The following ATRN variants were observed in gnomAD, a reference collection of about 807,000 sequenced individuals.
ATRN encodes attractin-2.
ATRN carries 54 observed loss-of-function variants against 178.7 expected under a neutral mutation model. The observed-to-expected ratio is 0.30, with a 90% CI of 0.24 to 0.38. The LOEUF is 0.38. Ranked by LOEUF, ATRN falls within the 10% of genes least tolerant of loss-of-function variation. The pLI, the probability that ATRN is intolerant of heterozygous loss-of-function variation, is 1.00. For missense variants in ATRN, 1,443 were observed against 1,815.1 expected, an observed-to-expected ratio of 0.79 and a Z score of 3.73; for synonymous variants, 636 against 663.0, an observed-to-expected ratio of 0.96 and a Z score of 0.63.
At chr20:3,554,411 C>T (rs2085836336) in intron 6 of ATRN, among the ~76,000 whole-genome samples, 1 of 151,840 alleles carries the variant, frequency 6.6e-6, no homozygotes, top group Non-Finnish European at 1.5e-5. Flanking sequence ...TCTCGGCTCA[C>T]TGCAGGCTCC....
In ATRN at chr20:3,646,780, A is replaced by C. The variant is rs1350364297; in HGVS notation, c.4223A>C (p.Lys1408Thr). The change falls in exon 29 of 29, where the codon AAG (lysine) becomes ACG (threonine). Residue 1408 changes from lysine (K) to threonine (T), a missense_variant. Around this residue, in one of 4 missense-constraint regions of ATRN, gnomAD observed 289 missense variants for 440.8 expected, o/e 0.66. Transcript: ENST00000262919. ...DISQQMPIVY[K>T]EKSGAVRNRK... ...TCTCAGCAGATGCCGATAGTGTACA[A>C]GGAGAAGTCAGGAGCCGTGAGAAAC... is the stretch of plus-strand genomic sequence containing the variant. 6.2e-7 allele frequency: 1 copy of C among 1,609,880 alleles called. No homozygotes were observed. Among genetic ancestry groups the C allele is most frequent in the South Asian group, 1.1e-5 (1 of 89,982 alleles).
intron 2 of ATRN, among the ~76,000 whole-genome samples, chr20:3,535,626 C>CACACACACACACACACAT (rs1491226542): frequency 5.3e-4 from 61 of 115,914 alleles, no homozygotes; most frequent in Non-Finnish European, 5.0e-4. Flanking sequence ...CACACACACA[C>CACACACACACACACACAT]ATATATATTT....
At chr20:3,505,785 C>T (rs1488971073) in intron 1 of ATRN, among the ~76,000 whole-genome samples, 1 of 151,994 alleles carries the variant, frequency 6.6e-6, no homozygotes, top group Non-Finnish European at 1.5e-5. Context: ...TAAATTATAC[C>T]ATGCAAACAT....
intron 24 of ATRN, among the ~76,000 whole-genome samples, chr20:3,620,109 G>A (rs148918179): frequency 8.7e-4 from 132 of 151,794 alleles, no homozygotes; most frequent in African/African-American, 3.0e-3. Flanking sequence ...CCCCAAAAGA[G>A]CCAAACTAAT....
chr20:3,530,256 TTA>T (rs916109024), intron 1 of ATRN, among the ~76,000 whole-genome samples: 2 of 147,290 alleles, frequency 1.4e-5, no homozygotes, highest in Admixed American at 6.8e-5. Context: ...AAATTATATA[TTA>T]TATATATATG....
chr20:3,576,675 A>ATCTG (rs1229001451), intron 13 of ATRN, among the ~76,000 whole-genome samples, 184 bp from the exon 14 acceptor site: 9 of 58,580 alleles, frequency 1.5e-4, no homozygotes, highest in South Asian at 6.6e-4. Context: ...CAACTTATCT[A>ATCTG]TCTATCTGTC....
chr20:3,576,014 G>GT, intron 13 of ATRN, 66 bp downstream of exon 13: 1 of 1,509,902 alleles, frequency 6.6e-7, no homozygotes, highest in Non-Finnish European at 8.9e-7. Flanking sequence ...CTTTTATAGT[G>GT]TATATGGTAT....
At position 3,647,857 on chromosome 20, in the gene ATRN, C is replaced by T. The variant is rs1041110196; in HGVS notation, c.*1010C>T. The T allele has an allele frequency of 2.0e-5, 3 of 152,190 alleles. No individual in the cohort carries two copies. Among genetic ancestry groups the T allele is most frequent in the Non-Finnish European group, 4.4e-5 (3 of 68,048 alleles). The allele number at this position is 152,190 out of a possible 1,614,324, so 9.4% of individuals were successfully genotyped here. A position where few individuals can be genotyped will look rare whatever the true frequency, so the allele number is the denominator to read the frequency against. On this transcript the variant is annotated 3_prime_UTR_variant, in exon 29 of 29. Coordinates refer to ENST00000262919, the MANE Select transcript of ATRN (RefSeq NM_139321.3). ...AGCAGAAATGAATGAACTGTGAAAG[C>T]TCCTGTTTTTATTATCAAAAAGGAC...
At chr20:3,510,439 A>G (rs1335482489) in intron 1 of ATRN, among the ~76,000 whole-genome samples, 1 of 152,260 alleles carries the variant, frequency 6.6e-6, no homozygotes, top group Non-Finnish European at 1.5e-5. Context: ...CTGTATAAGC[A>G]GACAGCAGGC....
At chr20:3,496,941 T>A (rs1488138583) in intron 1 of ATRN, among the ~76,000 whole-genome samples, 1 of 151,402 alleles carries the variant, frequency 6.6e-6, no homozygotes, top group Non-Finnish European at 1.5e-5. Flanking sequence ...CTTTTGATCT[T>A]TGTTGGTTTA....
At chr20:3,640,677 A>G (rs6051993) in intron 27 of ATRN, among the ~76,000 whole-genome samples, 2,420 of 152,358 alleles carry the variant, frequency 0.016, 64 homozygotes, top group African/African-American at 0.055. Context: ...GGAAGTATAA[A>G]GTGATGGAGC....
chr20:3,556,770 A>C (rs1035545546), intron 6 of ATRN, among the ~76,000 whole-genome samples: 1 of 152,062 alleles, frequency 6.6e-6, no homozygotes, highest in African/African-American at 2.4e-5. Context: ...TTATTGCATC[A>C]GTATCGTTCT....
At chr20:3,541,076 A>ATTTTTTTT (rs1331876349) in intron 3 of ATRN, among the ~76,000 whole-genome samples, 1 of 119,046 alleles carries the variant, frequency 8.4e-6, no homozygotes. Context: ...ATGATAGAGG[A>ATTTTTTTT]TTTTTTTTTT....
chr20:3,502,299 C>T (rs1240437666), intron 1 of ATRN, among the ~76,000 whole-genome samples: 2 of 152,082 alleles, frequency 1.3e-5, no homozygotes, highest in African/African-American at 4.8e-5. Flanking sequence ...ACTCAGTTTT[C>T]CTGCTCTTCC....
At chr20:3,473,291 G>T (rs2084459199) in intron 1 of ATRN, among the ~76,000 whole-genome samples, 1 of 152,178 alleles carries the variant, frequency 6.6e-6, no homozygotes, top group African/African-American at 2.4e-5. Context: ...TTAGTCTAGG[G>T]GTAAGGTAAG....
intron 24 of ATRN, among the ~76,000 whole-genome samples, chr20:3,610,742 CTTTTTTTT>C (rs71195847): frequency 3.1e-4 from 20 of 65,276 alleles, no homozygotes; most frequent in Middle Eastern, 0.014. Context: ...CTGGCTAATT[CTTTTTTTT>C]TTTTTTTTTT....
chr20:3,631,088 C>A (rs1472433189), intron 25 of ATRN, among the ~76,000 whole-genome samples: 1 of 151,508 alleles, frequency 6.6e-6, no homozygotes, highest in Non-Finnish European at 1.5e-5. Context: ...AGAGCTGGGA[C>A]TGCAGGCATG....
rs2086996209 is a variant in ATRN, at chr20:3,632,417, G to C, written c.3864-1894G>C. Among the ~76,000 whole-genome samples, 1 of 152,028 alleles carries C rather than the reference G, an allele frequency of 6.6e-6. No homozygotes were observed. Among genetic ancestry groups the C allele is most frequent in the Admixed American group, 6.5e-5 (1 of 15,274 alleles). The stretch of plus-strand genomic sequence containing the variant: ...CACCCTCACCCTTCTCTCTGCCTTT[G>C]TCTCTGGCCTTACACACCCCACTCC... On this transcript the variant is annotated intron_variant, in intron 25 of 28. Transcript: ENST00000262919. This position sits in a 1 kb window ranked among gnomAD's most constrained non-coding sequence, Gnocchi z 4.2.
At chr20:3,639,356 G>T (rs1214269564) in intron 27 of ATRN, among the ~76,000 whole-genome samples, 2 of 152,058 alleles carry the variant, frequency 1.3e-5, no homozygotes, top group Non-Finnish European at 2.9e-5. Flanking sequence ...GGGTTCAAGC[G>T]ATTCTCTTGC....
Sources: gnomAD v4.1 joint callset for allele counts (sites outside exome capture counted in the v4.1 genomes callset) on GRCh38, gnomAD v4.1.1 for gene constraint, gnomAD v4.1.1 regional missense constraint, Gnocchi (gnomAD v3.1) non-coding constraint, MANE v1.5 for transcripts, NCBI Gene and HGNC (gene_info 2026-07-23, HGNC 2026-07-21) for gene names.